RBM47: variants seen among roughly 807,000 people sequenced by gnomAD.
RBM47 encodes the protein RNA binding motif protein 47, also known as RNA-binding protein 47.
RBM47 carries 21 observed loss-of-function variants against 47.1 expected under a neutral mutation model. The ratio of observed to expected loss-of-function variants is 0.45; its 90% CI spans 0.32 to 0.64. RBM47 has a LOEUF of 0.64. Ranked by LOEUF, RBM47 falls within the 30% of genes least tolerant of loss-of-function variation. RBM47 has a pLI of 0.05. For missense variants in RBM47, 708 were observed against 870.9 expected (o/e 0.81, Z 2.35); for synonymous variants, 375 against 361.7 (o/e 1.04, Z -0.42).
chr4:40,563,177 C>A (rs1730794239), intron 1 of RBM47, among the ~76,000 whole-genome samples: 1 of 152,126 alleles, frequency 6.6e-6, no homozygotes, highest in Non-Finnish European at 1.5e-5. Flanking sequence ...GGCGACAGAG[C>A]AAGACTCCAT....
At chr4:40,524,364 C>T (rs1243542239) in intron 2 of RBM47, among the ~76,000 whole-genome samples, 1 of 152,188 alleles carries the variant, frequency 6.6e-6, no homozygotes, top group Non-Finnish European at 1.5e-5. Context: ...AAAATCTCAG[C>T]TTGTACCTAT....
intron 1 of RBM47, among the ~76,000 whole-genome samples, chr4:40,573,109 C>T (rs111382218): frequency 0.034 from 4,870 of 144,144 alleles, 187 homozygotes; most frequent in African/African-American, 0.097. Flanking sequence ...GCCGACATTG[C>T]GCCATTATAC....
Position 40,426,062 on chromosome 4 carries a change from C to T in RBM47, c.1624G>A (p.Val542Met), listed in dbSNP as rs200229582. 6 of 1,614,214 alleles carry T rather than the reference C, an allele frequency of 3.7e-6. No homozygotes were observed. The highest frequency in any genetic ancestry group is 3.3e-5 in the Admixed American group (2 of 60,022). ...PTAGIYGASY[V>M]PFAAPATATI... is the part of the protein sequence containing the mutation. ...GCTGTAGCTGGAGCAGCAAATGGCA[C>T]GTAACTGGCCCCGTAGATCCCGGCA... Residue 542 changes from valine (V) to methionine (M), a missense_variant, in exon 7 of 7, where the codon GTG (valine) becomes ATG (methionine). By Grantham distance (21) the Val-to-Met change is conservative. Coordinates refer to ENST00000295971, the MANE Select transcript of RBM47 (RefSeq NM_001098634.2).
intron 1 of RBM47, among the ~76,000 whole-genome samples, chr4:40,554,914 A>C (rs930839787): frequency 6.6e-6 from 1 of 151,902 alleles, no homozygotes; most frequent in African/African-American, 2.4e-5. Flanking sequence ...GGCACGCACC[A>C]CAACACTCAG....
At chr4:40,604,688 C>T (rs989454830) in intron 1 of RBM47, among the ~76,000 whole-genome samples, 1 of 151,896 alleles carries the variant, frequency 6.6e-6, no homozygotes, top group African/African-American at 2.4e-5. Context: ...ATGAGAAAGA[C>T]ACATTTCACG....
At chr4:40,490,905 A>T (rs1721784602) in intron 2 of RBM47, among the ~76,000 whole-genome samples, 3 of 150,734 alleles carry the variant, frequency 2.0e-5, no homozygotes, top group Non-Finnish European at 4.4e-5. Flanking sequence ...GGGAAAAAAA[A>T]TTGATAAATG....
At chr4:40,542,828 TG>T (rs138923936) in intron 2 of RBM47, 3,927 of 152,316 alleles carry the variant, frequency 0.026, 74 homozygotes, top group Non-Finnish European at 0.038. Context: ...TGAGCCACTC[TG>T]GCTAGCTTAG....
intron 1 of RBM47, among the ~76,000 whole-genome samples, chr4:40,546,855 C>T (rs777484631): frequency 2.8e-4 from 43 of 152,272 alleles, no homozygotes; most frequent in Non-Finnish European, 4.0e-4. Context: ...TCCACCTAAC[C>T]CTTGGCAAAT....
chr4:40,454,124 G>A (rs1373843606), intron 3 of RBM47, among the ~76,000 whole-genome samples: 2 of 152,164 alleles, frequency 1.3e-5, no homozygotes, highest in African/African-American at 4.8e-5. Flanking sequence ...CTGCATTTAT[G>A]GGGACGGTGG....
intron 2 of RBM47, among the ~76,000 whole-genome samples, chr4:40,533,137 G>T (rs1371711432): frequency 2.6e-5 from 4 of 152,048 alleles, no homozygotes; most frequent in Non-Finnish European, 5.9e-5. Context: ...AGGGAATACA[G>T]ATTATGCTCT....
chr4:40,456,571 C>CTTTTCTTTTTTCT (rs1716285420), intron 3 of RBM47, among the ~76,000 whole-genome samples: 1 of 112,578 alleles, frequency 8.9e-6, no homozygotes, highest in Non-Finnish European at 1.7e-5. Flanking sequence ...TTTCTTTTTT[C>CTTTTCTTTTTTCT]TTTTTTTTTT....
intron 2 of RBM47, among the ~76,000 whole-genome samples, chr4:40,468,040 C>A (rs1718311989): frequency 1.3e-5 from 2 of 152,240 alleles, no homozygotes; most frequent in Middle Eastern, 3.4e-3. Context: ...AATCCTAGCA[C>A]TTTGGGAGGT....
chr4:40,467,943 C>A (rs1718297957), intron 2 of RBM47, among the ~76,000 whole-genome samples: 1 of 152,064 alleles, frequency 6.6e-6, no homozygotes, highest in South Asian at 2.1e-4. Flanking sequence ...CTCTGTCATG[C>A]CCAGTTCATT....
At chr4:40,525,325 T>C (rs1481142558) in intron 2 of RBM47, among the ~76,000 whole-genome samples, 1 of 152,096 alleles carries the variant, frequency 6.6e-6, no homozygotes, top group Non-Finnish European at 1.5e-5. Context: ...ATACGACTAT[T>C]AGCACACCTG....
chr4:40,568,393 C>A (rs1731295906), intron 1 of RBM47, among the ~76,000 whole-genome samples: 1 of 141,518 alleles, frequency 7.1e-6, no homozygotes, highest in African/African-American at 2.7e-5. Flanking sequence ...CACGTCACAG[C>A]CCTGCAGCCT....
chr4:40,537,029 GA>G (rs1446267397), intron 2 of RBM47, among the ~76,000 whole-genome samples: 1 of 151,894 alleles, frequency 6.6e-6, no homozygotes, highest in Non-Finnish European at 1.5e-5. Flanking sequence ...CAAATAGCAA[GA>G]CATCAAAGAG....
intron 4 of RBM47, among the ~76,000 whole-genome samples, chr4:40,437,140 T>TATATATATATATAATAC: frequency 2.5e-5 from 1 of 39,414 alleles, no homozygotes; most frequent in Non-Finnish European, 5.3e-5. Flanking sequence ...ATAAAATACA[T>TATATATATATATAATAC]ATATATATAT....
chr4:40,545,588 C>T (rs952663735), intron 1 of RBM47, among the ~76,000 whole-genome samples: 2 of 146,990 alleles, frequency 1.4e-5, no homozygotes, highest in Admixed American at 6.8e-5. Flanking sequence ...TGCTTGAACT[C>T]GGGAGGCGGA....
At chr4:40,513,879 C>T (rs1001233244) in intron 2 of RBM47, among the ~76,000 whole-genome samples, 5 of 151,994 alleles carry the variant, frequency 3.3e-5, no homozygotes, top group African/African-American at 4.8e-5. Flanking sequence ...CCACCATGCC[C>T]GGCTAATTTT....
Sources: gnomAD v4.1 joint callset for allele counts (sites outside exome capture counted in the v4.1 genomes callset) on GRCh38, gnomAD v4.1.1 for gene constraint, MANE v1.5 for transcripts, NCBI Gene and HGNC (gene_info 2026-07-23, HGNC 2026-07-21) for gene names.